The following OLA1 variants were observed in gnomAD, a reference collection of about 807,000 sequenced individuals.
The protein encoded by OLA1 is Obg like ATPase 1, also known as obg-like ATPase 1.
Under a neutral mutation model 48.4 loss-of-function variants are expected in OLA1, and 14 were observed. That is an observed-to-expected ratio of 0.29 (90% CI 0.19 to 0.45). The LOEUF is 0.45. OLA1 is among the 20% of genes least tolerant of loss of function. The pLI is 1.00. For synonymous variants in OLA1, 127 were observed against 150.4 expected, an observed-to-expected ratio of 0.84 and a Z score of 1.14; for missense variants, 325 against 467.1, an observed-to-expected ratio of 0.70 and a Z score of 2.80.
intron 4 of OLA1, among the ~76,000 whole-genome samples, chr2:174,197,932 G>A (rs1305044553): frequency 6.6e-6 from 1 of 152,224 alleles, no homozygotes; most frequent in Non-Finnish European, 1.5e-5. Flanking sequence ...AAATGATCAC[G>A]TAGCTGAAAG....
rs1439471822 is a variant in OLA1, at chr2:174,188,402, C to T, written c.373+34631G>A. 3.4e-5 allele frequency among the ~76,000 whole-genome samples: 5 copies of T among 147,348 alleles called. No individual in the cohort carries two copies. In the East Asian group the frequency reaches 6.4e-4, roughly 19 times the overall value. On this transcript the variant is annotated intron_variant, in intron 4 of 10. Transcript: ENST00000284719. ...TAATAATAATAATAATAATAAATAC[C>T]GTATACAGTAAACTTTTTGTCAAAA...
At position 174,185,582 on chromosome 2, in the gene OLA1, G is replaced by A. The variant is rs566025643; in HGVS notation, c.373+37451C>T. On this transcript the variant is annotated intron_variant, in intron 4 of 10. Coordinates refer to ENST00000284719, the MANE Select transcript of OLA1 (RefSeq NM_013341.5). ...AAGAATATTTTTCACATTTTCCTTA[G>A]GTAATCTCTACAGTACTTAATAAAG... Among the ~76,000 whole-genome samples the A allele has an allele frequency of 5.9e-5, 9 of 152,028 alleles. 1 individual carries two copies. The South Asian group carries it at 1.7e-3, about 28-fold the overall frequency.
intron 4 of OLA1, among the ~76,000 whole-genome samples, chr2:174,218,620 C>CT (rs1265726424): frequency 6.6e-6 from 1 of 152,178 alleles, no homozygotes; most frequent in East Asian, 1.9e-4. Flanking sequence ...AGAAAATAAT[C>CT]TTTCATTATT....
In OLA1 at chr2:174,223,243, T is replaced by C. The variant is rs752026847; in HGVS notation, c.246-83A>G. 112 of 1,321,492 alleles carry C rather than the reference T, an allele frequency of 8.5e-5. 1 individual carries two copies. The highest frequency in any genetic ancestry group is 5.6e-4 in the South Asian group (44 of 79,072). 81.9% of individuals were successfully genotyped at this position (1,321,492 alleles called of 1,614,324 possible). On this transcript the variant is annotated intron_variant, in intron 3 of 10. Coordinates refer to ENST00000284719, the MANE Select transcript of OLA1 (RefSeq NM_013341.5). ...AAATGAATTCTCCAAACATTTCACA[T>C]AAATTCTTTCCTTTCTAGAACAATG...
At chr2:174,129,788 C>G (rs1686135331) in intron 5 of OLA1, among the ~76,000 whole-genome samples, 1 of 152,164 alleles carries the variant, frequency 6.6e-6, no homozygotes. Context: ...CATCTATTCT[C>G]TGTCCACCAT....
chr2:174,094,633 T>C (rs1023757765), intron 7 of OLA1, among the ~76,000 whole-genome samples: 5 of 152,212 alleles, frequency 3.3e-5, no homozygotes, highest in African/African-American at 1.2e-4. Flanking sequence ...CATACACTTA[T>C]GGTCAACTGA....
intron 10 of OLA1, among the ~76,000 whole-genome samples, chr2:174,078,527 C>T (rs1684796334): frequency 6.6e-6 from 1 of 151,866 alleles, no homozygotes; most frequent in Non-Finnish European, 1.5e-5. Context: ...TATCTTTAAA[C>T]AACAAACAAG....
chr2:174,223,759 TA>T (rs1688555825), intron 3 of OLA1, among the ~76,000 whole-genome samples: 1 of 77,888 alleles, frequency 1.3e-5, no homozygotes, highest in Non-Finnish European at 2.4e-5. Flanking sequence ...CCACATGTTA[TA>T]TAGACAAAAA....
chr2:174,235,003 A>T (rs1371127796), intron 2 of OLA1, among the ~76,000 whole-genome samples: 1 of 152,116 alleles, frequency 6.6e-6, no homozygotes, highest in East Asian at 1.9e-4. Flanking sequence ...TACTAAAAAT[A>T]CAAAAATTAG....
chr2:174,154,384 G>C (rs947541367), intron 4 of OLA1, among the ~76,000 whole-genome samples: 1 of 152,012 alleles, frequency 6.6e-6, no homozygotes, highest in Non-Finnish European at 1.5e-5. Context: ...GAAATCCTCA[G>C]CTCAAGCCAA....
Position 174,144,945 on chromosome 2 carries a change from A to AT in OLA1, c.374-2946_374-2945insA, listed in dbSNP as rs1307616947. On this transcript the variant is annotated intron_variant, in intron 4 of 10. Coordinates refer to ENST00000284719, the MANE Select transcript of OLA1 (RefSeq NM_013341.5). Reference sequence around the variant, plus strand: ...AGACCCTGTTTAAAAAAAAAAAAAAAAAAAAAATATATATATATATATATA... The same window carrying AT: ...AGACCCTGTTTAAAAAAAAAAAAAAATAAAAAAATATATATATATATATATA... Among the ~76,000 whole-genome samples, 600 of 67,732 alleles carry AT rather than the reference A, an allele frequency of 8.9e-3. 3 individuals are homozygous for AT. Among genetic ancestry groups the AT allele is most frequent in the Non-Finnish European group, 0.014 (496 of 35,498 alleles). The allele number at this position is 67,732 out of a possible 152,430, so 44.4% of individuals were successfully genotyped here. A position where few individuals can be genotyped will look rare whatever the true frequency, so the allele number is the denominator to read the frequency against.
At chr2:174,083,127 C>T in intron 7 of OLA1, among the ~76,000 whole-genome samples, 1 of 152,092 alleles carries the variant, frequency 6.6e-6, no homozygotes, top group Non-Finnish European at 1.5e-5. Context: ...ACTATACATT[C>T]CATTAAAATT....
At chr2:174,180,480 A>C (rs1460606170) in intron 4 of OLA1, among the ~76,000 whole-genome samples, 1 of 152,228 alleles carries the variant, frequency 6.6e-6, no homozygotes, top group Non-Finnish European at 1.5e-5. Flanking sequence ...TAGTTACCAC[A>C]GTACTTGACC....
chr2:174,163,507 G>T (rs1485998205), intron 4 of OLA1, among the ~76,000 whole-genome samples: 3 of 151,446 alleles, frequency 2.0e-5, no homozygotes, highest in Non-Finnish European at 4.4e-5. Context: ...GGCCAACATG[G>T]TGAAACCCCC....
Position 174,166,050 on chromosome 2 carries a change from C to T in OLA1, c.374-24050G>A, listed in dbSNP as rs367736733. Among the ~76,000 whole-genome samples the T allele has an allele frequency of 2.2e-4, 34 of 151,708 alleles. 1 individual carries two copies. In the East Asian group the frequency reaches 5.8e-3, roughly 26 times the overall value. On this transcript the variant is annotated intron_variant, in intron 4 of 10. Transcript: ENST00000284719. ...CTGAGGCAGGAGAATCGCTTGAACC[C>T]GGGAGGCAGAGGTCACATGAGCAGA...
chr2:174,202,693 A>G (rs1176764893), intron 4 of OLA1, among the ~76,000 whole-genome samples: 2 of 152,216 alleles, frequency 1.3e-5, no homozygotes, highest in Non-Finnish European at 2.9e-5. Context: ...CTACCATTTC[A>G]GAAGACTCAT....
intron 4 of OLA1, among the ~76,000 whole-genome samples, chr2:174,153,568 C>T (rs1332741165): frequency 1.2e-5 from 1 of 85,660 alleles, no homozygotes; most frequent in Non-Finnish European, 2.3e-5. Flanking sequence ...CCAGAAAATT[C>T]TGCCTGGTAT....
chr2:174,076,140 T>C (rs1684731889), intron 10 of OLA1, among the ~76,000 whole-genome samples: 1 of 152,184 alleles, frequency 6.6e-6, no homozygotes. Context: ...CTCTAACAGG[T>C]TGCAGTTGCA....
intron 4 of OLA1, among the ~76,000 whole-genome samples, chr2:174,209,647 T>C (rs975718825): frequency 2.0e-5 from 3 of 152,126 alleles, no homozygotes; most frequent in Non-Finnish European, 4.4e-5. Flanking sequence ...ACTCTATTGG[T>C]AGCTGCATAC....
Sources: gnomAD v4.1 joint callset for allele counts (sites outside exome capture counted in the v4.1 genomes callset) on GRCh38, gnomAD v4.1.1 for gene constraint, MANE v1.5 for transcripts, NCBI Gene and HGNC (gene_info 2026-07-23, HGNC 2026-07-21) for gene names.